ADGRB1: variants seen among roughly 807,000 people sequenced by gnomAD.
ADGRB1 encodes the protein brain-specific angiogenesis inhibitor 1.
In ADGRB1, 36 loss-of-function variants were observed where a neutral mutation model predicts 175.7. The observed-to-expected ratio is 0.20, with a 90% CI of 0.16 to 0.27. The LOEUF is 0.27. Ranked by LOEUF, ADGRB1 falls within the 10% of genes least tolerant of loss-of-function variation. The pLI, the probability that ADGRB1 is intolerant of heterozygous loss-of-function variation, is 1.00. For missense variants in ADGRB1, 1,731 were observed against 2,255.3 expected, an observed-to-expected ratio of 0.77 and a Z score of 4.71; for synonymous variants, 1,054 against 979.4, an observed-to-expected ratio of 1.08 and a Z score of -1.42.
chr8:142,468,223 T>C (rs6583633), intron 2 of ADGRB1, among the ~76,000 whole-genome samples: 33,435 of 151,504 alleles, frequency 0.22, 3,892 homozygotes, highest in African/African-American at 0.3. Context: ...TGTGTGTGTG[T>C]GTGCGTGTGC....
chr8:142,490,308 G>T (rs542281090), intron 16 of ADGRB1, among the ~76,000 whole-genome samples: 1 of 152,344 alleles, frequency 6.6e-6, no homozygotes, highest in Admixed American at 6.5e-5. Flanking sequence ...TGCTGTCACT[G>T]CCCCATCTTG....
chr8:142,502,866 C>T (rs1842691095), intron 17 of ADGRB1, among the ~76,000 whole-genome samples: 1 of 151,496 alleles, frequency 6.6e-6, no homozygotes, highest in Non-Finnish European at 1.5e-5. Flanking sequence ...GTGGTAGTGA[C>T]AGTACTGTTG....
At chr8:142,528,111 ATGTG>A (rs1844327775) in intron 24 of ADGRB1, among the ~76,000 whole-genome samples, 1 of 152,190 alleles carries the variant, frequency 6.6e-6, no homozygotes, top group Non-Finnish European at 1.5e-5. Flanking sequence ...ACACCGGTCT[ATGTG>A]TGCACGCACA....
At chr8:142,528,683 T>C (rs983137391) in intron 24 of ADGRB1, among the ~76,000 whole-genome samples, 1 of 152,110 alleles carries the variant, frequency 6.6e-6, no homozygotes, top group African/African-American at 2.4e-5. Flanking sequence ...AGGCCCACCC[T>C]TGGGGCTCCG....
intron 17 of ADGRB1, 68 bp downstream of exon 17, chr8:142,490,883 G>C (rs944855379): frequency 2.0e-6 from 3 of 1,528,084 alleles, no homozygotes; most frequent in Admixed American, 3.9e-5. Flanking sequence ...GGCCCAGTAG[G>C]GGAGGGGTGC....
chr8:142,469,508 T>A (rs1193280387), intron 2 of ADGRB1, among the ~76,000 whole-genome samples: 2 of 141,068 alleles, frequency 1.4e-5, no homozygotes, highest in African/African-American at 2.6e-5. Flanking sequence ...TGTGTGAATG[T>A]GTGTGTATGC....
At chr8:142,514,705 A>T (rs1843318318) in intron 18 of ADGRB1, among the ~76,000 whole-genome samples, 1 of 152,120 alleles carries the variant, frequency 6.6e-6, no homozygotes, top group Non-Finnish European at 1.5e-5. Flanking sequence ...GACCAGAATC[A>T]GGGCCCAGTG....
rs1340439065 is a variant in ADGRB1 at position 142,474,794 on chromosome 8, C to T, written c.785-680C>T. ...AGAGCGGCCGGGGTCAGGGCAGGGG[C>T]GTGGCGGGGAGGCGCCTGCAGGCAT... On this transcript the variant is annotated intron_variant, in intron 2 of 30. Transcript: ENST00000517894. The surrounding 1 kb of genome is among the most constrained non-coding windows in gnomAD (Gnocchi z 5.8). 2.0e-5 allele frequency among the ~76,000 whole-genome samples: 3 copies of T among 152,058 alleles called. No individual in the cohort carries two copies. The highest frequency in any genetic ancestry group is 2.9e-5 in the Non-Finnish European group (2 of 67,974).
At chr8:142,470,183 T>A (rs930360375) in intron 2 of ADGRB1, among the ~76,000 whole-genome samples, 5 of 152,186 alleles carry the variant, frequency 3.3e-5, no homozygotes, top group Admixed American at 1.3e-4. Context: ...CCCCAGGCTG[T>A]CAGGCCCCTC....
rs760456402 is a variant in ADGRB1, at chr8:142,521,997, C to T, written c.3057C>T (p.His1019=). Residue 1019 remains histidine (H), a synonymous_variant, in exon 21 of 31, where the codon CAC becomes CAT. Transcript: ENST00000517894. The part of the protein sequence containing the change: ...VVCTLVAAFL[H]FFFLSSFCWV... Reference sequence around the variant, plus strand: ...GCACGCTGGTGGCCGCCTTCCTGCACTTCTTCTTCCTGTCCTCCTTCTGCT... The same window carrying T: ...GCACGCTGGTGGCCGCCTTCCTGCATTTCTTCTTCCTGTCCTCCTTCTGCT... 2.4e-5 allele frequency: 39 copies of T among 1,607,868 alleles called. No homozygotes were observed. The Admixed American group carries it at 6.6e-4, about 27-fold the overall frequency.
rs546539865 is a variant in ADGRB1, at chr8:142,498,259, C to T, written c.2675+7444C>T. ...CCTACCCCAGCAGAGCAGAAGCCCCCGAGGGCAGGGCCTGGATCTCTGCCA... is the reference window on the plus strand; with the variant it reads ...CCTACCCCAGCAGAGCAGAAGCCCCTGAGGGCAGGGCCTGGATCTCTGCCA... On this transcript the variant is annotated intron_variant, in intron 17 of 30. Coordinates refer to ENST00000517894, the MANE Select transcript of ADGRB1 (RefSeq NM_001702.3). 8.5e-5 allele frequency among the ~76,000 whole-genome samples: 13 copies of T among 152,312 alleles called. No homozygotes were observed. The South Asian group carries it at 2.1e-3, about 24-fold the overall frequency.
In ADGRB1 at chr8:142,477,252, T is replaced by A; in HGVS notation, c.1196T>A (p.Leu399Gln). Residue 399 changes from leucine (L) to glutamine (Q), a missense_variant, in exon 5 of 31, where the codon CTG (leucine) becomes CAG (glutamine). By Grantham distance (113) the Leu-to-Gln change is moderately radical. This residue lies in a region of ADGRB1 where 178 missense variants were observed against 227.8 expected (regional missense o/e 0.78). Transcript: ENST00000517894. Reference protein sequence around the residue: ...QCSGPLREQRLCNNSAVCPVH... With the variant: ...QCSGPLREQRQCNNSAVCPVH... ...AGCGGACCCCTGCGCGAGCAGCGGC[T>A]GTGCAACAACTCTGCCGTGTGCCCA... The A allele has an allele frequency of 6.3e-7, 1 of 1,597,304 alleles. No homozygotes were observed. The highest frequency in any genetic ancestry group is 8.5e-7 in the Non-Finnish European group (1 of 1,173,080).
rs755826494 is a variant in ADGRB1 at position 142,455,557 on chromosome 8, G to C, written c.-220+5453G>C. Among the ~76,000 whole-genome samples, 4 of 152,174 alleles carry C rather than the reference G, an allele frequency of 2.6e-5. No homozygotes were observed. Among genetic ancestry groups the C allele is most frequent in the Non-Finnish European group, 5.9e-5 (4 of 68,036 alleles). On this transcript the variant is annotated intron_variant, in intron 1 of 30. Transcript: ENST00000517894. The surrounding 1 kb of genome is among the most constrained non-coding windows in gnomAD (Gnocchi z 4.9). ...GGCTGTCCCGGCCCAGCACAGCTGA[G>C]GTCAGGAGGACCCAGGGATTACTGG... is the stretch of plus-strand genomic sequence containing the variant.
intron 22 of ADGRB1, 120 bp downstream of exon 22, chr8:142,522,830 G>T: frequency 2.6e-6 from 3 of 1,166,640 alleles, no homozygotes; most frequent in Non-Finnish European, 3.4e-6. Context: ...ATCTCACAGA[G>T]GCTCAGGGAG....
At chr8:142,500,810 C>T (rs1842485461) in intron 17 of ADGRB1, among the ~76,000 whole-genome samples, 1 of 152,124 alleles carries the variant, frequency 6.6e-6, no homozygotes, top group East Asian at 1.9e-4. Flanking sequence ...TGCACAGGTG[C>T]CTGGAAGCAG....
chr8:142,487,741 T>C (rs1841747797), intron 13 of ADGRB1, among the ~76,000 whole-genome samples: 1 of 152,266 alleles, frequency 6.6e-6, no homozygotes, highest in East Asian at 1.9e-4. Context: ...CCCCTAAACG[T>C]GCTGCCTCAT....
chr8:142,531,014 C>T (rs1050540998), intron 24 of ADGRB1, among the ~76,000 whole-genome samples: 1 of 152,218 alleles, frequency 6.6e-6, no homozygotes, highest in Non-Finnish European at 1.5e-5. Context: ...CGCAGCAGAT[C>T]GGGCTGTAAA....
chr8:142,464,265 C>T lies in ADGRB1; in HGVS notation c.67C>T (p.Leu23=), dbSNP rs963410961. The change falls in exon 2 of 31, where the codon CTG becomes TTG. Residue 23 remains leucine (L), a synonymous_variant. Coordinates refer to ENST00000517894, the MANE Select transcript of ADGRB1 (RefSeq NM_001702.3). ...CGCCCCGCTGCTACTGCTGCTGCTG[C>T]TGCTGGGACGCCGCGCGCGGGCGGC... ...ILAPLLLLLL[L]LGRRARAAAG... 9.1e-5 allele frequency: 124 copies of T among 1,359,622 alleles called. No homozygotes were observed. Among genetic ancestry groups the T allele is most frequent in the Non-Finnish European group, 1.1e-4 (115 of 1,065,094 alleles). 84.2% of individuals were successfully genotyped at this position (1,359,622 alleles called of 1,614,324 possible).
chr8:142,454,433 AGGTGCACACG>A (rs991853923), intron 1 of ADGRB1, among the ~76,000 whole-genome samples: 14 of 152,320 alleles, frequency 9.2e-5, no homozygotes, highest in South Asian at 6.2e-4. Context: ...GCACACCGTG[AGGTGCACACG>A]GGTGCACACG....
Sources: gnomAD v4.1 joint callset for allele counts (sites outside exome capture counted in the v4.1 genomes callset) on GRCh38, gnomAD v4.1.1 for gene constraint, gnomAD v4.1.1 regional missense constraint, Gnocchi (gnomAD v3.1) non-coding constraint, MANE v1.5 for transcripts, NCBI Gene and HGNC (gene_info 2026-07-23, HGNC 2026-07-21) for gene names.